OGFR: variants seen among roughly 807,000 people sequenced by gnomAD.
OGFR encodes the protein opioid growth factor receptor.
OGFR carries 18 observed loss-of-function variants against 33.6 expected under a neutral mutation model. The ratio of observed to expected loss-of-function variants is 0.54; its 90% CI spans 0.37 to 0.80. OGFR has a LOEUF of 0.80. Ranked by LOEUF, OGFR falls within the 30% of genes least tolerant of loss-of-function variation. The pLI, the probability that OGFR is intolerant of heterozygous loss-of-function variation, is 0.00. For missense variants in OGFR, 877 were observed against 955.8 expected, an observed-to-expected ratio of 0.92 and a Z score of 1.09; for synonymous variants, 370 against 400.7, an observed-to-expected ratio of 0.92 and a Z score of 0.91.
At chr20:62,807,720 G>A (rs1251374554) in intron 2 of OGFR, 115 bp downstream of exon 2, 1 of 1,064,478 alleles carries the variant, frequency 9.4e-7, no homozygotes, top group Non-Finnish European at 1.4e-6. Context: ...CAGGGCCACA[G>A]TTCTGGGCAG....
chr20:62,808,330 G>T lies in OGFR; in HGVS notation c.319+5G>T. On this transcript the variant is annotated splice_donor_5th_base_variant and intron_variant, in intron 3 of 6. Transcript: ENST00000290291. ...AGATCCGCTTCCTGCCCAACGGTAG[G>T]TGCCTCACAACCACTGGCAGCCGGC... The T allele has an allele frequency of 6.2e-7, 1 of 1,611,206 alleles. No individual in the cohort carries two copies. The highest frequency in any genetic ancestry group is 8.5e-7 in the Non-Finnish European group (1 of 1,178,108).
In OGFR at chr20:62,805,016, C is replaced by T; in HGVS notation, c.157C>T (p.Pro53Ser). 7.0e-7 allele frequency: 1 copy of T among 1,427,800 alleles called. No individual in the cohort carries two copies. Among genetic ancestry groups the T allele is most frequent in the Non-Finnish European group, 9.1e-7 (1 of 1,094,926 alleles). 88.4% of individuals were successfully genotyped at this position (1,427,800 alleles called of 1,614,324 possible). A position where few individuals can be genotyped will look rare whatever the true frequency, so the allele number is the denominator to read the frequency against. The stretch of plus-strand genomic sequence containing the variant: ...GTCGGAGGAGCCGCGGGCGGCGCGG[C>T]CCAGCTCGTTCCAGGTGCGGCCCCG... Reference protein sequence around the residue: ...EESEEPRAARPSSFQSRMTGS... With the variant: ...EESEEPRAARSSSFQSRMTGS... Residue 53 changes from proline (P) to serine (S), a missense_variant, in exon 1 of 7, where the codon CCC becomes TCC. Coordinates refer to ENST00000290291, the MANE Select transcript of OGFR (RefSeq NM_007346.4).
At chr20:62,808,363 T>G in intron 3 of OGFR, 38 bp downstream of exon 3, 2 of 1,488,282 alleles carry the variant, frequency 1.3e-6, no homozygotes, top group Non-Finnish European at 9.4e-7. Context: ...GGCGCTTCCA[T>G]CCTTGCCTGG....
intron 1 of OGFR, chr20:62,806,458 T>C (rs1990594878): frequency 6.6e-6 from 1 of 152,120 alleles, no homozygotes; most frequent in Non-Finnish European, 1.5e-5. Context: ...GAGAATCGCT[T>C]AAACCTGGGA....
chr20:62,811,225 G>C (rs1468443158), intron 5 of OGFR, among the ~76,000 whole-genome samples: 1 of 152,194 alleles, frequency 6.6e-6, no homozygotes, highest in Non-Finnish European at 1.5e-5. Context: ...TTAGCCAGGT[G>C]TGGTGGCAGG....
Position 62,805,048 on chromosome 20 carries a change from G to A in OGFR, c.171+18G>A, listed in dbSNP as rs1990552664. ...CGTTCCAGGTGCGGCCCCGCGGCGC[G>A]GAAGAGGCCTGGGGTCCCCGGCGCC... is the stretch of plus-strand genomic sequence containing the variant. On this transcript the variant is annotated intron_variant, in intron 1 of 6. Transcript: ENST00000290291. The A allele has an allele frequency of 7.4e-7, 1 of 1,346,112 alleles. No individual in the cohort carries two copies. The highest frequency in any genetic ancestry group is 1.5e-5 in the African/African-American group (1 of 64,876). The allele number at this position is 1,346,112 out of a possible 1,614,324, so 83.4% of individuals were successfully genotyped here. A position where few individuals can be genotyped will look rare whatever the true frequency, so the allele number is the denominator to read the frequency against.
Position 62,812,237 on chromosome 20 carries a change from CACA to C in OGFR, c.628_630del (p.Asn210del). 1 of 1,504,262 alleles carries C rather than the reference CACA, an allele frequency of 6.6e-7. No individual in the cohort carries two copies. Among genetic ancestry groups the C allele is most frequent in the South Asian group, 1.3e-5 (1 of 77,124 alleles). The allele number at this position is 1,504,262 out of a possible 1,614,324, so 93.2% of individuals were successfully genotyped here. A position where few individuals can be genotyped will look rare whatever the true frequency, so the allele number is the denominator to read the frequency against. On this transcript the variant is annotated inframe_deletion, in exon 7 of 7. Coordinates refer to ENST00000290291, the MANE Select transcript of OGFR (RefSeq NM_007346.4). ...GACCCGGATCTCTCGCAGGCGCAGC[CACA>C]ACAACCTCCGCATCACACGCATCCT... is the stretch of plus-strand genomic sequence containing the variant.
intron 3 of OGFR, 86 bp from the exon 4 acceptor site, chr20:62,809,499 C>A: frequency 1.0e-6 from 1 of 995,370 alleles, no homozygotes; most frequent in South Asian, 1.3e-5. Flanking sequence ...GCAGCACTCT[C>A]TCCTTATGTC....
At position 62,813,970 on chromosome 20, in the gene OGFR, G is replaced by T; in HGVS notation, c.*321G>T. The T allele has an allele frequency of 2.2e-6, 1 of 449,074 alleles. No individual in the cohort carries two copies. Among genetic ancestry groups the T allele is most frequent in the Non-Finnish European group, 4.0e-6 (1 of 250,924 alleles). 27.8% of individuals were successfully genotyped at this position (449,074 alleles called of 1,614,324 possible). On this transcript the variant is annotated 3_prime_UTR_variant, in exon 7 of 7. Transcript: ENST00000290291. ...TTTTCTTAGTCTGATACCAAGCAAG[G>T]CCTTTTCTGAATAAATTCATTTGAC...
At chr20:62,810,959 A>G (rs1990715682) in intron 5 of OGFR, among the ~76,000 whole-genome samples, 1 of 152,242 alleles carries the variant, frequency 6.6e-6, no homozygotes, top group Non-Finnish European at 1.5e-5. Flanking sequence ...TCCCATGGCC[A>G]GCGACTTCCT....
chr20:62,806,185 AAGG>A (rs1421814774), intron 1 of OGFR: 3 of 152,348 alleles, frequency 2.0e-5, no homozygotes, highest in South Asian at 2.1e-4. Flanking sequence ...TGGCCCCAGG[AAGG>A]AGAAGTAGAA....
At position 62,804,971 on chromosome 20, in the gene OGFR, G is replaced by C; in HGVS notation, c.112G>C (p.Ala38Pro). Residue 38 changes from alanine to proline, a missense_variant, in exon 1 of 7, where the codon GCA becomes CCA. Around this residue, in one of 3 missense-constraint regions of OGFR, gnomAD observed 760 missense variants for 736.0 expected, o/e 1.03. Coordinates refer to ENST00000290291, the MANE Select transcript of OGFR (RefSeq NM_007346.4). The part of the protein sequence containing the change: ...GEAAGARDAD[A>P]GDEDEESEEP... ...GGCCGCCGGCGCGAGGGACGCGGACGCAGGGGACGAGGACGAGGAGTCGGA... is the reference window on the plus strand; with the variant it reads ...GGCCGCCGGCGCGAGGGACGCGGACCCAGGGGACGAGGACGAGGAGTCGGA... 6.7e-7 allele frequency: 1 copy of C among 1,488,908 alleles called. No individual in the cohort carries two copies. The highest frequency in any genetic ancestry group is 8.9e-7 in the Non-Finnish European group (1 of 1,120,494). 92.2% of individuals were successfully genotyped at this position (1,488,908 alleles called of 1,614,324 possible).
At chr20:62,805,256 C>T (rs1990560365) in intron 1 of OGFR, among the ~76,000 whole-genome samples, 1 of 151,824 alleles carries the variant, frequency 6.6e-6, no homozygotes, top group Admixed American at 6.6e-5. Flanking sequence ...CGGGCCCCAT[C>T]GTGTGTGGGC....
Position 62,812,701 on chromosome 20 carries a change from G to C in OGFR, c.1086G>C (p.Gln362His). Residue 362 changes from glutamine (Q) to histidine (H), a missense_variant, in exon 7 of 7, where the codon CAG becomes CAC. By Grantham distance (24) the Gln-to-His change is conservative. Coordinates refer to ENST00000290291, the MANE Select transcript of OGFR (RefSeq NM_007346.4). The part of the protein sequence containing the change: ...PQDAGPLERS[Q>H]GDEAGGHGED... ...ATGCGGGACCCCTGGAGAGGAGCCA[G>C]GGGGATGAGGCAGGGGGCCACGGGG... The C allele has an allele frequency of 1.3e-6, 2 of 1,581,068 alleles. No individual in the cohort carries two copies. The highest frequency in any genetic ancestry group is 1.7e-6 in the Non-Finnish European group (2 of 1,164,022).
Position 62,812,315 on chromosome 20 carries a change from C to G in OGFR, c.700C>G (p.Arg234Gly). The G allele has an allele frequency of 6.4e-7, 1 of 1,557,934 alleles. No homozygotes were observed. The highest frequency in any genetic ancestry group is 8.7e-7 in the Non-Finnish European group (1 of 1,151,318). Residue 234 changes from arginine to glycine, a missense_variant, in exon 7 of 7, where the codon CGC (arginine) becomes GGC (glycine). Coordinates refer to ENST00000290291, the MANE Select transcript of OGFR (RefSeq NM_007346.4). ...CGAGCACTTCCAGGCGCCGCTGGTC[C>G]GCTTCTTCCTGGAGGAGACGCTGGT... ...GLEHFQAPLV[R>G]FFLEETLVRR...
chr20:62,812,434 C>T lies in OGFR; in HGVS notation c.819C>T (p.Phe273=), dbSNP rs777571249. The T allele has an allele frequency of 5.5e-5, 87 of 1,579,258 alleles. No individual in the cohort carries two copies. The highest frequency in any genetic ancestry group is 6.9e-5 in the Non-Finnish European group (80 of 1,163,424). Residue 273 remains phenylalanine, a synonymous_variant, in exon 7 of 7, where the codon TTC becomes TTT. Transcript: ENST00000290291. ...CRHQRRQLVH[F]AWEHFRPRCK... ...ACCAGCGCCGCCAGCTGGTGCACTTCGCCTGGGAGCACTTCCGGCCCCGCT... is the reference window on the plus strand; with the variant it reads ...ACCAGCGCCGCCAGCTGGTGCACTTTGCCTGGGAGCACTTCCGGCCCCGCT...
Position 62,811,624 on chromosome 20 carries a change from G to GCGGGGGCCCCCCCCC in OGFR, c.614+15_614+16insGGGGGCCCCCCCCCC. The GCGGGGGCCCCCCCCC allele has an allele frequency of 6.4e-7, 1 of 1,551,490 alleles. No homozygotes were observed. On this transcript the variant is annotated intron_variant, in intron 6 of 6. Coordinates refer to ENST00000290291, the MANE Select transcript of OGFR (RefSeq NM_007346.4). ...GAACCTGAACTGGTGAGGCCCGGCT[G>GCGGGGGCCCCCCCCC]CTCCCGCCCACCCCCACCCCGGCGC...
In OGFR at chr20:62,812,272, G is replaced by T. The variant is rs781191511; in HGVS notation, c.657G>T (p.Ser219=). 2 of 1,531,752 alleles carry T rather than the reference G, an allele frequency of 1.3e-6. No homozygotes were observed. Among genetic ancestry groups the T allele is most frequent in the South Asian group, 1.2e-5 (1 of 81,670 alleles). The allele number at this position is 1,531,752 out of a possible 1,614,324, so 94.9% of individuals were successfully genotyped here. A position where few individuals can be genotyped will look rare whatever the true frequency, so the allele number is the denominator to read the frequency against. ...TCCGCATCACACGCATCCTCAAGTC[G>T]CTGGGTGAGCTGGGCCTCGAGCACT... ...NNLRITRILK[S]LGELGLEHFQ... The change falls in exon 7 of 7, where the codon TCG becomes TCT. Residue 219 remains serine, a synonymous_variant. Transcript: ENST00000290291.
rs1990814959 is a variant in OGFR at position 62,813,995 on chromosome 20, CTT to C, written c.*348_*349del. On this transcript the variant is annotated 3_prime_UTR_variant, in exon 7 of 7. Coordinates refer to ENST00000290291, the MANE Select transcript of OGFR (RefSeq NM_007346.4). ...GCCTTTTCTGAATAAATTCATTTGA[CTT>C]TGAGTCTTTGGTATGGACCGGGGTC... 2.8e-6 allele frequency: 1 copy of C among 358,650 alleles called. No homozygotes were observed. The highest frequency in any genetic ancestry group is 4.5e-5 in the Admixed American group (1 of 22,176). 22.2% of individuals were successfully genotyped at this position (358,650 alleles called of 1,614,324 possible). A position where few individuals can be genotyped will look rare whatever the true frequency, so the allele number is the denominator to read the frequency against.
Sources: gnomAD v4.1 joint callset for allele counts (sites outside exome capture counted in the v4.1 genomes callset) on GRCh38, gnomAD v4.1.1 for gene constraint, gnomAD v4.1.1 regional missense constraint, MANE v1.5 for transcripts, NCBI Gene and HGNC (gene_info 2026-07-23, HGNC 2026-07-21) for gene names.